Variants in KAZN observed in about 807,000 individuals in gnomAD.
KAZN encodes the protein kazrin.
In KAZN, 40 loss-of-function variants were observed where a neutral mutation model predicts 87.4. That is an observed-to-expected ratio of 0.46 (90% CI 0.36 to 0.60). KAZN has a LOEUF of 0.60. Ranked by LOEUF, KAZN falls within the 20% of genes least tolerant of loss-of-function variation. KAZN has a pLI of 0.00. For missense variants in KAZN, 898 were observed against 1,073.9 expected (o/e 0.84, Z 2.29); for synonymous variants, 466 against 458.3 (o/e 1.02, Z -0.22).
intron 1 of KAZN, among the ~76,000 whole-genome samples, chr1:14,858,503 G>T (rs1286397098): frequency 1.3e-5 from 2 of 152,074 alleles, no homozygotes; most frequent in African/African-American, 4.8e-5. Context: ...GTGAGCCACC[G>T]CACCTGGCCA....
chr1:14,509,054 A>G (rs1047368789), intron 2 of KAZN, among the ~76,000 whole-genome samples: 1 of 152,226 alleles, frequency 6.6e-6, no homozygotes, highest in African/African-American at 2.4e-5. Flanking sequence ...GGGCAGTGAG[A>G]AAGGAAAAGC....
At chr1:14,588,648 T>C (rs1676000591) in intron 2 of KAZN, among the ~76,000 whole-genome samples, 1 of 152,192 alleles carries the variant, frequency 6.6e-6, no homozygotes, top group South Asian at 2.1e-4. Flanking sequence ...AGCTAGCCAG[T>C]CCGTCTTTTG....
chr1:13,931,272 T>C (rs1335799961), intron 1 of KAZN, among the ~76,000 whole-genome samples: 1 of 152,244 alleles, frequency 6.6e-6, no homozygotes, highest in Non-Finnish European at 1.5e-5. Flanking sequence ...TCCAGGTACA[T>C]GGCTATGATT....
rs566004210 is a variant in KAZN, at chr1:14,876,337, T to C, written c.227-84347T>C. On this transcript the variant is annotated intron_variant, in intron 1 of 14. Transcript: ENST00000376030. ...CCAGCAGCCAGAATGACATTAGCGA[T>C]AGTAGCTGCTGTGGGCTCATTATTA... is the stretch of plus-strand genomic sequence containing the variant. Among the ~76,000 whole-genome samples, 3 of 152,338 alleles carry C rather than the reference T, an allele frequency of 2.0e-5. No homozygotes were observed. In the East Asian group the frequency reaches 5.8e-4, roughly 29 times the overall value.
intron 2 of KAZN, among the ~76,000 whole-genome samples, chr1:14,271,920 C>T (rs1006185550): frequency 5.3e-5 from 8 of 152,212 alleles, no homozygotes; most frequent in African/African-American, 1.9e-4. Flanking sequence ...CGTGAAGGCA[C>T]ATCCCAAAAT....
intron 1 of KAZN, among the ~76,000 whole-genome samples, chr1:13,939,198 T>A (rs748534867): frequency 1.3e-5 from 2 of 152,226 alleles, no homozygotes; most frequent in Non-Finnish European, 2.9e-5. Flanking sequence ...AGATTGCAAA[T>A]TTTTAAAACT....
rs12041991 is a variant in KAZN, at chr1:15,052,447, T to C, written c.727-3644T>C. On this transcript the variant is annotated intron_variant, in intron 4 of 14. Transcript: ENST00000376030. ...TCCCTATGATTCAATTACCTCCCACTAGGTCCCTCCCATGACACGTGGGGA... is the reference window on the plus strand; with the variant it reads ...TCCCTATGATTCAATTACCTCCCACCAGGTCCCTCCCATGACACGTGGGGA... Among the ~76,000 whole-genome samples the C allele has an allele frequency of 4.3e-3, 651 of 152,218 alleles. 3 individuals carry two copies. Among genetic ancestry groups the C allele is most frequent in the South Asian group, 0.042 (204 of 4,818 alleles).
At chr1:14,304,313 A>T (rs1654768349) in intron 2 of KAZN, among the ~76,000 whole-genome samples, 3 of 152,176 alleles carry the variant, frequency 2.0e-5, no homozygotes, top group African/African-American at 7.2e-5. Context: ...GAGATTCAAA[A>T]ACTTAAAGGG....
chr1:15,009,041 G>A (rs72867886), intron 2 of KAZN, among the ~76,000 whole-genome samples: 2,137 of 152,278 alleles, frequency 0.014, 53 homozygotes, highest in African/African-American at 0.048. Context: ...TGGCAGTTTT[G>A]CACACGAGCC....
At chr1:14,785,387 A>G (rs1171278606) in intron 1 of KAZN, among the ~76,000 whole-genome samples, 2 of 152,144 alleles carry the variant, frequency 1.3e-5, no homozygotes, top group African/African-American at 4.8e-5. Context: ...TTGGGGTCCA[A>G]TCAGCTATGG....
intron 1 of KAZN, among the ~76,000 whole-genome samples, chr1:14,785,064 C>T (rs550136557): frequency 4.0e-4 from 61 of 151,172 alleles, no homozygotes; most frequent in Middle Eastern, 3.5e-3. Flanking sequence ...TAACGTCAAG[C>T]TTCTAGAAGG....
intron 1 of KAZN, among the ~76,000 whole-genome samples, chr1:14,054,405 G>C (rs1206118584): frequency 6.6e-6 from 1 of 152,204 alleles, no homozygotes; most frequent in Admixed American, 6.5e-5. Flanking sequence ...TACCCTGTAG[G>C]CCACTTTGGC....
intron 1 of KAZN, among the ~76,000 whole-genome samples, chr1:14,944,185 A>T (rs1194436667): frequency 6.8e-6 from 1 of 148,030 alleles, no homozygotes; most frequent in African/African-American, 2.5e-5. Context: ...TAACTCGGGG[A>T]CTTGAGTTTG....
chr1:14,037,721 C>A (rs537903746), intron 1 of KAZN, among the ~76,000 whole-genome samples: 1 of 152,314 alleles, frequency 6.6e-6, no homozygotes, highest in East Asian at 1.9e-4. Context: ...CTGCCTACAT[C>A]ATGAAGAAAT....
intron 1 of KAZN, among the ~76,000 whole-genome samples, chr1:14,656,544 G>A (rs1318530707): frequency 6.6e-6 from 1 of 152,206 alleles, no homozygotes; most frequent in African/African-American, 2.4e-5. Context: ...CTGAGACTGG[G>A]TCATTTCTAA....
At chr1:14,400,726 C>G (rs1283111335) in intron 2 of KAZN, among the ~76,000 whole-genome samples, 1 of 152,222 alleles carries the variant, frequency 6.6e-6, no homozygotes, top group African/African-American at 2.4e-5. Flanking sequence ...TGTACTCTCC[C>G]AGGCCCGGCC....
intron 1 of KAZN, among the ~76,000 whole-genome samples, chr1:14,107,248 C>G (rs1218761654): frequency 1.3e-4 from 19 of 151,752 alleles, no homozygotes; most frequent in Admixed American, 1.2e-3. Flanking sequence ...TGATCCACCC[C>G]TGTCATCTTA....
In KAZN at chr1:13,994,181, C is replaced by A. The variant is rs142316914; in HGVS notation, c.91+100425C>A. 1.6e-3 allele frequency among the ~76,000 whole-genome samples: 242 copies of A among 152,266 alleles called. 1 individual carries two copies. The highest frequency in any genetic ancestry group is 0.014 in the Middle Eastern group (4 of 294). On this transcript the variant is annotated intron_variant, in intron 1 of 16. Coordinates refer to the KAZN transcript ENST00000636203. ...CCCATGTGTGCTGTGAAGCTCTGAC[C>A]CAGGGCATGGCATTTTTTGTCCCTT...
intron 1 of KAZN, among the ~76,000 whole-genome samples, chr1:13,952,221 G>C (rs1641372411): frequency 6.6e-6 from 1 of 151,816 alleles, no homozygotes; most frequent in African/African-American, 2.4e-5. Flanking sequence ...CTCTCAAAAG[G>C]GTTCTGGTTT....
Sources: allele counts gnomAD v4.1 joint callset (sites outside exome capture counted in the v4.1 genomes callset), GRCh38; gene constraint gnomAD v4.1.1; transcripts MANE v1.5; gene names NCBI Gene and HGNC (gene_info 2026-07-23, HGNC 2026-07-21).